S100A7: variants seen among roughly 807,000 people sequenced by gnomAD.
S100A7 encodes the protein protein S100-A7.
In S100A7, 2 loss-of-function variants were observed where a neutral mutation model predicts 3.8. The observed-to-expected ratio is 0.53, with a 90% CI of 0.22 to 1.67. The LOEUF (loss-of-function observed/expected upper bound fraction) is 1.67, where lower values mean the gene tolerates loss of function less well. Among genes scored for constraint, S100A7 ranks in the 40% most tolerant of loss-of-function variants. S100A7 has a pLI of 0.20. For synonymous variants in S100A7, 55 were observed against 45.9 expected, an observed-to-expected ratio of 1.20 and a Z score of -0.80; for missense variants, 130 against 126.3, an observed-to-expected ratio of 1.03 and a Z score of -0.14.
At chr1:153,459,141 C>T (rs932467957) in intron 1 of S100A7, 111 bp from the exon 2 acceptor site, 2 of 1,333,166 alleles carry the variant, frequency 1.5e-6, no homozygotes, top group Non-Finnish European at 2.0e-6. Flanking sequence ...TAAGGTGTAG[C>T]AGAACGAACT....
chr1:153,459,185 C>G (rs1663762003), intron 1 of S100A7, among the ~76,000 whole-genome samples, 155 bp from the exon 2 acceptor site: 1 of 151,956 alleles, frequency 6.6e-6, no homozygotes, highest in Non-Finnish European at 1.5e-5. Flanking sequence ...ATAAGTTGCT[C>G]AAAAATGAGA....
chr1:153,458,093 C>T, intron 2 of S100A7, 123 bp from the exon 3 acceptor site: 1 of 1,118,222 alleles, frequency 8.9e-7, no homozygotes, highest in Non-Finnish European at 1.3e-6. Flanking sequence ...GGTGGCGGGG[C>T]TGAGAGCACA....
At chr1:153,458,214 TC>T (rs1663734819) in intron 2 of S100A7, among the ~76,000 whole-genome samples, 1 of 152,098 alleles carries the variant, frequency 6.6e-6, no homozygotes, top group Admixed American at 6.5e-5. Context: ...CCCAAGGTGC[TC>T]TGTTAAGTGA....
chr1:153,458,795 C>G, intron 2 of S100A7, 78 bp downstream of exon 2: 1 of 1,512,442 alleles, frequency 6.6e-7, no homozygotes, highest in Non-Finnish European at 8.9e-7. Context: ...ATTTTTTAAT[C>G]AGAGGGTGAG....
chr1:153,459,157 T>A lies in S100A7; in HGVS notation c.-17-127A>T. ...AAGGTGTAGCAGAACGAACTCAATT[T>A]TTTTTTAATGTGATGGGATAAGTTG... is the stretch of plus-strand genomic sequence containing the variant. On this transcript the variant is annotated intron_variant, in intron 1 of 2. Transcript: ENST00000368723. The A allele has an allele frequency of 7.7e-6, 9 of 1,173,136 alleles. No individual in the cohort carries two copies. In the South Asian group the frequency reaches 1.4e-4, roughly 19 times the overall value. The allele number at this position is 1,173,136 out of a possible 1,614,324, so 72.7% of individuals were successfully genotyped here.
Position 153,458,958 on chromosome 1 carries a change from T to C in S100A7, c.56A>G (p.Lys19Arg). 2 of 1,614,116 alleles carry C rather than the reference T, an allele frequency of 1.2e-6. No individual in the cohort carries two copies. Among genetic ancestry groups the C allele is most frequent in the Non-Finnish European group, 1.7e-6 (2 of 1,179,972 alleles). The change falls in exon 2 of 3, where the codon AAA (lysine) becomes AGA (arginine). Residue 19 changes from lysine (K) to arginine (R), a missense_variant. Transcript: ENST00000368723. ...AATCTTGTCATCACGTCTGGTGTAT[T>C]TGTGAAACATGTCGATCATGCCTAT... Reference protein sequence around the residue: ...SIIGMIDMFHKYTRRDDKIEK... With the variant: ...SIIGMIDMFHRYTRRDDKIEK...
chr1:153,459,746 A>G (rs1663782297), intron 1 of S100A7: 1 of 152,246 alleles, frequency 6.6e-6, no homozygotes. Flanking sequence ...GAGTCACTTC[A>G]TGTCTGCTCT....
intron 2 of S100A7, 75 bp downstream of exon 2, chr1:153,458,798 A>C (rs1437793231): frequency 3.4e-5 from 51 of 1,517,482 alleles, no homozygotes; most frequent in Non-Finnish European, 4.1e-5. Context: ...TTTTAATCAG[A>C]GGGTGAGGGT....
Position 153,458,953 on chromosome 1 carries a change from T to A in S100A7, c.61A>T (p.Thr21Ser). 1 of 1,614,084 alleles carries A rather than the reference T, an allele frequency of 6.2e-7. No individual in the cohort carries two copies. Among genetic ancestry groups the A allele is most frequent in the Non-Finnish European group, 8.5e-7 (1 of 1,179,954 alleles). Residue 21 changes from threonine (T) to serine (S), a missense_variant, in exon 2 of 3, where the codon ACC becomes TCC. Transcript: ENST00000368723. Reference sequence around the variant, plus strand: ...TTCTCAATCTTGTCATCACGTCTGGTGTATTTGTGAAACATGTCGATCATG... The same window carrying A: ...TTCTCAATCTTGTCATCACGTCTGGAGTATTTGTGAAACATGTCGATCATG... ...IGMIDMFHKYTRRDDKIEKPS... is the reference protein window; with the variant it reads ...IGMIDMFHKYSRRDDKIEKPS...
intron 2 of S100A7, among the ~76,000 whole-genome samples, 185 bp from the exon 3 acceptor site, chr1:153,458,155 T>C (rs1663733108): frequency 6.6e-6 from 1 of 152,016 alleles, no homozygotes; most frequent in Non-Finnish European, 1.5e-5. Flanking sequence ...CCTGGAGTTC[T>C]CTAGGGAGTC....
chr1:153,458,254 C>G (rs1285159407), intron 2 of S100A7, among the ~76,000 whole-genome samples: 1 of 152,208 alleles, frequency 6.6e-6, no homozygotes, highest in Non-Finnish European at 1.5e-5. Context: ...CCTGCCCCAG[C>G]CTCACTCTTT....
chr1:153,458,115 T>A (rs1338605905), intron 2 of S100A7, 145 bp from the exon 3 acceptor site: 11 of 905,588 alleles, frequency 1.2e-5, no homozygotes, highest in Non-Finnish European at 1.9e-5. Context: ...GGTGAGTGGG[T>A]GAAGTTGGGG....
chr1:153,458,670 C>A (rs1433213064), intron 2 of S100A7, among the ~76,000 whole-genome samples: 1 of 152,126 alleles, frequency 6.6e-6, no homozygotes, highest in Non-Finnish European at 1.5e-5. Flanking sequence ...CTTTGCTGAC[C>A]ATCTAATAAC....
chr1:153,460,460 T>G, intron 1 of S100A7, 148 bp downstream of exon 1: 1 of 578,068 alleles, frequency 1.7e-6, no homozygotes, highest in South Asian at 1.9e-5. Context: ...TGGGGTCAAG[T>G]GAAGGTCACA....
At chr1:153,459,729 G>A (rs1268805314) in intron 1 of S100A7, 1 of 152,250 alleles carries the variant, frequency 6.6e-6, no homozygotes, top group Non-Finnish European at 1.5e-5. Context: ...GGGTGGGAGT[G>A]AGGTGGGAGT....
Position 153,457,775 on chromosome 1 carries a change from G to A in S100A7, c.*31C>T. 2 of 1,553,484 alleles carry A rather than the reference G, an allele frequency of 1.3e-6. No individual in the cohort carries two copies. Among genetic ancestry groups the A allele is most frequent in the Non-Finnish European group, 1.7e-6 (2 of 1,147,078 alleles). On this transcript the variant is annotated 3_prime_UTR_variant, in exon 3 of 3. Coordinates refer to ENST00000368723, the MANE Select transcript of S100A7 (RefSeq NM_002963.4). The stretch of plus-strand genomic sequence containing the variant: ...GGGAGAAGACATTTTATTGTTCCTG[G>A]GGTCTCTGGAGGCCCATTGGTGGGG...
intron 1 of S100A7, 67 bp downstream of exon 1, chr1:153,460,541 T>A (rs1396193118): frequency 1.4e-6 from 1 of 714,102 alleles, no homozygotes; most frequent in Non-Finnish European, 2.6e-6. Flanking sequence ...TTTCCCTTCC[T>A]ACAGGCAGCA....
At position 153,459,036 on chromosome 1, in the gene S100A7, G is replaced by A. The variant is rs1663756581; in HGVS notation, c.-17-6C>T. 2 of 1,609,142 alleles carry A rather than the reference G, an allele frequency of 1.2e-6. No individual in the cohort carries two copies. The highest frequency in any genetic ancestry group is 1.7e-6 in the Non-Finnish European group (2 of 1,177,610). ...CATCTTTGCTTTCAAAAAGCCTTCA[G>A]GAAATAAAGACAATCATTTTTTTCC... is the stretch of plus-strand genomic sequence containing the variant. On this transcript the variant is annotated splice_polypyrimidine_tract_variant and splice_region_variant and intron_variant, in intron 1 of 2. Transcript: ENST00000368723.
Position 153,457,888 on chromosome 1 carries a change from A to G in S100A7, c.224T>C (p.Phe75Ser), listed in dbSNP as rs1351048146. ...NEDKKIDFSE[F>S]LSLLGDIATD... ...GGCTATGTCTCCCAGCAAGGACAGA[A>G]ACTCAGAAAAATCAATCTTCTTATC... Residue 75 changes from phenylalanine to serine, a missense_variant, in exon 3 of 3, where the codon TTT (phenylalanine) becomes TCT (serine). Coordinates refer to ENST00000368723, the MANE Select transcript of S100A7 (RefSeq NM_002963.4). 2 of 1,614,056 alleles carry G rather than the reference A, an allele frequency of 1.2e-6. No individual in the cohort carries two copies. The highest frequency in any genetic ancestry group is 1.7e-6 in the Non-Finnish European group (2 of 1,180,042).
Sources: gnomAD v4.1 joint callset for allele counts (sites outside exome capture counted in the v4.1 genomes callset) on GRCh38, gnomAD v4.1.1 for gene constraint, MANE v1.5 for transcripts, NCBI Gene and HGNC (gene_info 2026-07-23, HGNC 2026-07-21) for gene names.